The following NEDD8 variants were observed in gnomAD, a reference collection of about 807,000 sequenced individuals.
NEDD8 encodes NEDD8 ubiquitin like modifier.
A neutral mutation model predicts 13.8 loss-of-function variants in NEDD8; 1 was observed. The observed-to-expected ratio is 0.07, with a 90% CI of 0.03 to 0.34. The LOEUF (loss-of-function observed/expected upper bound fraction) is 0.34, where lower values mean the gene tolerates loss of function less well. Among genes scored for constraint, NEDD8 ranks in the 10% least tolerant of loss-of-function variants. The probability of loss-of-function intolerance (pLI) is 0.99; values close to 1 mark genes in which losing one functional copy is unlikely to be tolerated. For missense variants in NEDD8, 10 were observed against 95.2 expected (o/e 0.10, Z 3.73); for synonymous variants, 31 against 33.2 (o/e 0.93, Z 0.23).
chr14:24,218,011 T>C lies in NEDD8; in HGVS notation c.149+122A>G, dbSNP rs1342564002. 7.5e-6 allele frequency: 9 copies of C among 1,206,024 alleles called. No individual in the cohort carries two copies. In the South Asian group the frequency reaches 8.5e-5, roughly 11 times the overall value. 74.7% of individuals were successfully genotyped at this position (1,206,024 alleles called of 1,614,324 possible). Reference sequence around the variant, plus strand: ...GAAGGGGCTTAGAGGCTTCACCAGATTGCCAAAGAGTCTTAGGCACCAAAA... The same window carrying C: ...GAAGGGGCTTAGAGGCTTCACCAGACTGCCAAAGAGTCTTAGGCACCAAAA... On this transcript the variant is annotated intron_variant, in intron 3 of 3. Transcript: ENST00000250495.
chr14:24,227,377 A>G (rs1163764470), intron 1 of NEDD8: 1 of 152,240 alleles, frequency 6.6e-6, no homozygotes, highest in Non-Finnish European at 1.5e-5. Context: ...AGACCTGCAC[A>G]TTATGGTTTT....
chr14:24,229,102 C>G (rs1025730797), intron 1 of NEDD8, among the ~76,000 whole-genome samples: 2 of 152,196 alleles, frequency 1.3e-5, no homozygotes, highest in African/African-American at 4.8e-5. Context: ...AATGCAGAAA[C>G]CTGTGCCCCA....
At chr14:24,224,879 C>G (rs2039863845) in intron 1 of NEDD8, among the ~76,000 whole-genome samples, 1 of 152,128 alleles carries the variant, frequency 6.6e-6, no homozygotes, top group South Asian at 2.1e-4. Flanking sequence ...AACATGGGAG[C>G]CCGTTGTGGT....
chr14:24,230,218 C>CAAAA lies in NEDD8; in HGVS notation c.18+2028_18+2031dup, dbSNP rs560583502. 5.7e-4 allele frequency among the ~76,000 whole-genome samples: 42 copies of CAAAA among 73,844 alleles called. 9 individuals are homozygous for CAAAA. The highest frequency in any genetic ancestry group is 4.6e-3 in the East Asian group (9 of 1,964). The allele number at this position is 73,844 out of a possible 152,430, so 48.4% of individuals were successfully genotyped here. On this transcript the variant is annotated intron_variant, in intron 1 of 3. Transcript: ENST00000250495. ...CTGGCAACAGAGTGAGACTCTGTCT[C>CAAAA]AAAAAAAAAAAAAAAAAAAAAAAAA... is the stretch of plus-strand genomic sequence containing the variant.
At chr14:24,221,570 G>A (rs768358455) in intron 1 of NEDD8, among the ~76,000 whole-genome samples, 32 of 151,862 alleles carry the variant, frequency 2.1e-4, no homozygotes, top group Non-Finnish European at 3.2e-4. Flanking sequence ...ATGAGCCACC[G>A]TGCCTGGCCG....
At chr14:24,223,345 G>C (rs1030533243) in intron 1 of NEDD8, among the ~76,000 whole-genome samples, 2 of 151,946 alleles carry the variant, frequency 1.3e-5, no homozygotes, top group African/African-American at 4.8e-5. Flanking sequence ...ATGCCGTAGT[G>C]GGCTGATTGT....
intron 1 of NEDD8, among the ~76,000 whole-genome samples, chr14:24,219,475 C>CAAAAAAAA (rs59964484): frequency 2.4e-4 from 8 of 33,368 alleles, no homozygotes; most frequent in African/African-American, 8.4e-4. Flanking sequence ...AACACCCTCG[C>CAAAAAAAA]AAAAAAAAAA....
intron 1 of NEDD8, chr14:24,231,949 T>G (rs2040040600): frequency 2.6e-6 from 1 of 389,980 alleles, no homozygotes; most frequent in African/African-American, 2.1e-5. Context: ...GCCTTCTCTA[T>G]GACTGCGGGG....
At chr14:24,230,917 C>CT (rs1182988401) in intron 1 of NEDD8, among the ~76,000 whole-genome samples, 1 of 151,806 alleles carries the variant, frequency 6.6e-6, no homozygotes, top group African/African-American at 2.4e-5. Context: ...TGGGCCCGGC[C>CT]TTTTTTTTCA....
At chr14:24,219,599 T>A (rs1251528326) in intron 1 of NEDD8, among the ~76,000 whole-genome samples, 1 of 152,014 alleles carries the variant, frequency 6.6e-6, no homozygotes, top group African/African-American at 2.4e-5. Flanking sequence ...GCAGCTCTTG[T>A]CTTCTTCCGT....
intron 1 of NEDD8, among the ~76,000 whole-genome samples, chr14:24,230,391 T>C (rs1329287711): frequency 4.1e-5 from 6 of 147,872 alleles, no homozygotes; most frequent in African/African-American, 1.2e-4. Flanking sequence ...AAAAATTAGC[T>C]GGGCGTGGTG....
chr14:24,227,522 A>G (rs2039911716), intron 1 of NEDD8: 1 of 152,242 alleles, frequency 6.6e-6, no homozygotes, highest in Non-Finnish European at 1.5e-5. Flanking sequence ...GGAGATGGAA[A>G]CAAAAATCAA....
chr14:24,230,534 CAAAAAAAA>C (rs1181616079), intron 1 of NEDD8, among the ~76,000 whole-genome samples: 1 of 65,078 alleles, frequency 1.5e-5, no homozygotes, highest in East Asian at 4.5e-4. Context: ...GACTCTGTCT[CAAAAAAAA>C]AAAAAAAAAA....
chr14:24,218,065 A>G lies in NEDD8; in HGVS notation c.149+68T>C. On this transcript the variant is annotated intron_variant, in intron 3 of 3. Transcript: ENST00000250495. ...AGAGGCACCCCTGATCCACCTCAGT[A>G]CGTGCCCCCTCTCCTCTTCTCATCT... 6.2e-6 allele frequency: 10 copies of G among 1,601,118 alleles called. No homozygotes were observed. The South Asian group carries it at 1.1e-4, about 18-fold the overall frequency.
intron 1 of NEDD8, among the ~76,000 whole-genome samples, chr14:24,229,663 A>G (rs1832678226): frequency 6.6e-6 from 1 of 152,278 alleles, no homozygotes; most frequent in Non-Finnish European, 1.5e-5. Flanking sequence ...GGGTTGTGAC[A>G]TAAAATTTCT....
intron 1 of NEDD8, among the ~76,000 whole-genome samples, chr14:24,224,510 A>T (rs1375544668): frequency 1.3e-5 from 2 of 152,212 alleles, no homozygotes; most frequent in African/African-American, 4.8e-5. Flanking sequence ...TTCAGTTTTT[A>T]AATTTAATTA....
intron 1 of NEDD8, among the ~76,000 whole-genome samples, chr14:24,223,759 A>T (rs2039845395): frequency 6.7e-6 from 1 of 149,386 alleles, no homozygotes; most frequent in African/African-American, 2.5e-5. Context: ...TTTTTGAGGC[A>T]AGGTCTCAGT....
intron 1 of NEDD8, among the ~76,000 whole-genome samples, chr14:24,223,316 G>A (rs2039837690): frequency 6.6e-6 from 1 of 151,598 alleles, no homozygotes; most frequent in Admixed American, 6.6e-5. Flanking sequence ...AGGCAAGACT[G>A]CCCAAGCCCA....
chr14:24,226,788 T>G (rs548901756), intron 1 of NEDD8: 1 of 152,216 alleles, frequency 6.6e-6, no homozygotes, highest in Non-Finnish European at 1.5e-5. Flanking sequence ...AGTTTCTTTT[T>G]AAAGTTACAT....
Sources: gnomAD v4.1 joint callset for allele counts (sites outside exome capture counted in the v4.1 genomes callset) on GRCh38, gnomAD v4.1.1 for gene constraint, MANE v1.5 for transcripts, NCBI Gene and HGNC (gene_info 2026-07-23, HGNC 2026-07-21) for gene names.